Variants in PITPNC1 observed in about 807,000 individuals in gnomAD.
The protein encoded by PITPNC1 is cytoplasmic phosphatidylinositol transfer protein 1.
In PITPNC1, 18 loss-of-function variants were observed where a neutral mutation model predicts 44.7. The observed-to-expected ratio is 0.40, with a 90% confidence interval of 0.28 to 0.60. PITPNC1 has a LOEUF of 0.60. Among genes scored for constraint, PITPNC1 ranks in the 20% least tolerant of loss-of-function variants. The pLI is 0.39. For missense variants in PITPNC1, 290 were observed against 418.4 expected, an observed-to-expected ratio of 0.69 and a Z score of 2.68; for synonymous variants, 141 against 149.6, an observed-to-expected ratio of 0.94 and a Z score of 0.42.
At chr17:67,441,027 G>T (rs559769937) in intron 1 of PITPNC1, among the ~76,000 whole-genome samples, 1 of 152,152 alleles carries the variant, frequency 6.6e-6, no homozygotes, top group Non-Finnish European at 1.5e-5. Flanking sequence ...AGTCTTGGGT[G>T]CATCTGTCAG....
In PITPNC1 at chr17:67,490,924, GA is replaced by G. The variant is rs148126166; in HGVS notation, c.49-41877del. On this transcript the variant is annotated intron_variant, in intron 1 of 8. Coordinates refer to ENST00000581322, the MANE Select transcript of PITPNC1 (RefSeq NM_012417.4). ...TTTATACTTACTTCTCTCCTCCTCT[GA>G]TTCTATTCAAGGAATGTGAATGGCT... Among the ~76,000 whole-genome samples the G allele has an allele frequency of 3.1e-3, 469 of 152,294 alleles. 1 individual carries two copies. Among genetic ancestry groups the G allele is most frequent in the African/African-American group, 0.01 (435 of 41,556 alleles).
chr17:67,596,012 C>G (rs886731061), intron 5 of PITPNC1, among the ~76,000 whole-genome samples: 1 of 152,074 alleles, frequency 6.6e-6, no homozygotes, highest in Non-Finnish European at 1.5e-5. Flanking sequence ...AGGGGTAAAA[C>G]CAAATAATTG....
At chr17:67,404,172 C>T (rs1283505085) in intron 1 of PITPNC1, among the ~76,000 whole-genome samples, 2 of 152,096 alleles carry the variant, frequency 1.3e-5, no homozygotes, top group Non-Finnish European at 2.9e-5. Flanking sequence ...GGATATGTTC[C>T]TCAATTATTT....
chr17:67,641,151 A>G (rs543048257), intron 6 of PITPNC1, among the ~76,000 whole-genome samples: 11 of 152,292 alleles, frequency 7.2e-5, no homozygotes, highest in Admixed American at 2.6e-4. Context: ...GAGGATTCCC[A>G]GGACTAGTCA....
chr17:67,417,430 C>T (rs2038605460), intron 1 of PITPNC1, among the ~76,000 whole-genome samples: 1 of 152,140 alleles, frequency 6.6e-6, no homozygotes, highest in African/African-American at 2.4e-5. Context: ...ACACCAGGTC[C>T]ACATTCAGCA....
At position 67,657,160 on chromosome 17, in the gene PITPNC1, T is replaced by TTTG. The variant is rs371803459; in HGVS notation, c.463-12346_463-12345insGTT. Among the ~76,000 whole-genome samples the TTTG allele has an allele frequency of 8.9e-3, 1,344 of 150,826 alleles. 26 individuals are homozygous for TTTG. The highest frequency in any genetic ancestry group is 0.032 in the African/African-American group (1,308 of 40,794). On this transcript the variant is annotated intron_variant, in intron 6 of 8. Coordinates refer to ENST00000581322, the MANE Select transcript of PITPNC1 (RefSeq NM_012417.4). ...TCCCTTCCCCTCCCCACCCCCGTTT[T>TTTG]TTTTGTTTTGTTTTGTTTTGTTTTG...
rs557230358 is a variant in PITPNC1 at position 67,520,095 on chromosome 17, A to G, written c.49-12707A>G. 2.6e-5 allele frequency among the ~76,000 whole-genome samples: 4 copies of G among 152,274 alleles called. No individual in the cohort carries two copies. In the East Asian group the frequency reaches 7.7e-4, roughly 29 times the overall value. On this transcript the variant is annotated intron_variant, in intron 1 of 8. Transcript: ENST00000581322. ...CATTCCTGAAAGATTTCTGCTTTTA[A>G]GTGGTACTGCGGCTTCCCTTGATGC...
At chr17:67,572,626 AC>A (rs1199992852) in intron 4 of PITPNC1, among the ~76,000 whole-genome samples, 1 of 151,902 alleles carries the variant, frequency 6.6e-6, no homozygotes, top group Non-Finnish European at 1.5e-5. Context: ...CAAAGGAGAT[AC>A]GCGCTGTGAT....
intron 1 of PITPNC1, among the ~76,000 whole-genome samples, chr17:67,498,864 T>G (rs1340650946): frequency 2.5e-5 from 3 of 121,796 alleles, no homozygotes; most frequent in East Asian, 2.5e-4. Context: ...TTGTTTTTTT[T>G]TTTGTTTGTT....
intron 5 of PITPNC1, among the ~76,000 whole-genome samples, chr17:67,631,657 A>AAAT (rs1555574522): frequency 1.3e-3 from 10 of 7,684 alleles, no homozygotes; most frequent in African/African-American, 2.2e-3. Flanking sequence ...AAAAAAAAAA[A>AAAT]ATATATATAT....
intron 2 of PITPNC1, among the ~76,000 whole-genome samples, chr17:67,539,173 T>A (rs994175272): frequency 3.9e-5 from 6 of 152,196 alleles, no homozygotes; most frequent in African/African-American, 1.4e-4. Context: ...ATGCCAGGTG[T>A]TCACAAAGAT....
chr17:67,682,550 G>A (rs908523875), intron 8 of PITPNC1, among the ~76,000 whole-genome samples: 15 of 152,116 alleles, frequency 9.9e-5, no homozygotes, highest in Non-Finnish European at 2.2e-4. Flanking sequence ...CTCTCCAGAG[G>A]GCAAGGAAAG....
chr17:67,618,498 C>T (rs1358716488), intron 5 of PITPNC1, among the ~76,000 whole-genome samples: 2 of 151,954 alleles, frequency 1.3e-5, no homozygotes, highest in Non-Finnish European at 2.9e-5. Context: ...CGCCTGTAAT[C>T]CCAGTACTTT....
intron 1 of PITPNC1, among the ~76,000 whole-genome samples, chr17:67,521,601 T>A (rs902162562): frequency 4.0e-5 from 6 of 151,564 alleles, no homozygotes; most frequent in African/African-American, 1.5e-4. Context: ...CCTTCCTGTC[T>A]ACATGGAGAA....
intron 1 of PITPNC1, among the ~76,000 whole-genome samples, chr17:67,404,233 A>G (rs1201236224): frequency 6.6e-6 from 1 of 152,232 alleles, no homozygotes; most frequent in African/African-American, 2.4e-5. Flanking sequence ...TGTAATGTAA[A>G]TTAAGAATAT....
chr17:67,391,022 G>A (rs1478819154), intron 1 of PITPNC1, among the ~76,000 whole-genome samples: 4 of 151,318 alleles, frequency 2.6e-5, no homozygotes, highest in East Asian at 3.8e-4. Flanking sequence ...TGTAGCCAGC[G>A]TAAGTTCTTG....
chr17:67,614,884 G>A (rs543095388), intron 5 of PITPNC1, among the ~76,000 whole-genome samples: 27 of 152,034 alleles, frequency 1.8e-4, no homozygotes, highest in South Asian at 4.2e-4. Context: ...CATCACAGAC[G>A]CCAGAATTGA....
At chr17:67,679,409 C>T (rs2042662651) in intron 8 of PITPNC1, among the ~76,000 whole-genome samples, 2 of 152,330 alleles carry the variant, frequency 1.3e-5, no homozygotes, top group African/African-American at 4.8e-5. Flanking sequence ...GTGCTCTGGG[C>T]TTAGGGCTGA....
intron 1 of PITPNC1, among the ~76,000 whole-genome samples, chr17:67,390,029 T>C (rs1231355433): frequency 7.2e-6 from 1 of 138,490 alleles, no homozygotes; most frequent in African/African-American, 2.6e-5. Context: ...TTGAGCAGAA[T>C]AGATACCCAT....
Sources: gnomAD v4.1 joint callset for allele counts (sites outside exome capture counted in the v4.1 genomes callset) on GRCh38, gnomAD v4.1.1 for gene constraint, MANE v1.5 for transcripts, NCBI Gene and HGNC (gene_info 2026-07-23, HGNC 2026-07-21) for gene names.